Variants in MBP observed in about 807,000 individuals in gnomAD.
The protein encoded by MBP is Golli-MBP.
In MBP, 16 loss-of-function variants were observed where a neutral mutation model predicts 35.8. The observed-to-expected ratio is 0.45, with a 90% confidence interval of 0.30 to 0.68. The LOEUF is 0.68. MBP is among the 30% of genes least tolerant of loss of function. The pLI, the probability that MBP is intolerant of heterozygous loss-of-function variation, is 0.08. For missense variants in MBP, 380 were observed against 404.7 expected (o/e 0.94, Z 0.52); for synonymous variants, 143 against 159.6 (o/e 0.90, Z 0.78).
At position 77,055,369 on chromosome 18, in the gene MBP, C is replaced by T. The variant is rs533429696; in HGVS notation, c.139+10929G>A. On this transcript the variant is annotated intron_variant, in intron 3 of 8. Transcript: ENST00000355994. ...GGCACATAACTGTAAACTTCTAGAA[C>T]CCACATCCTCAAAGCCCAACCCCTG... Among the ~76,000 whole-genome samples the T allele has an allele frequency of 7.7e-4, 118 of 152,260 alleles. No individual in the cohort carries two copies. The Middle Eastern group carries it at 0.01, about 13-fold the overall frequency.
chr18:77,006,155 G>C (rs1344334251), intron 4 of MBP: 2 of 152,400 alleles, frequency 1.3e-5, no homozygotes, highest in Non-Finnish European at 2.9e-5. Context: ...TGGATTCAGA[G>C]GCAGGGCAGG....
intron 3 of MBP, among the ~76,000 whole-genome samples, chr18:77,040,744 T>C (rs1406849479): frequency 2.0e-5 from 3 of 152,246 alleles, no homozygotes; most frequent in South Asian, 2.1e-4. Flanking sequence ...AAAGCTGAAA[T>C]TGGATCCCTT....
intron 1 of MBP, among the ~76,000 whole-genome samples, chr18:77,122,507 G>A (rs970681358): frequency 6.6e-6 from 1 of 152,168 alleles, no homozygotes; most frequent in Non-Finnish European, 1.5e-5. Context: ...CGGCATAGAA[G>A]ACAGCAAAAC....
rs149678073 is a variant in MBP, at chr18:77,035,847, G to A, written c.140-18579C>T. 2.2e-3 allele frequency among the ~76,000 whole-genome samples: 329 copies of A among 152,320 alleles called. 1 individual carries two copies. Among genetic ancestry groups the A allele is most frequent in the African/African-American group, 7.4e-3 (306 of 41,560 alleles). ...CTCTCCTGCAAACATTACTGCTTAAGAATTCTTTCAAACTCAAGGGACTTT... is the reference window on the plus strand; with the variant it reads ...CTCTCCTGCAAACATTACTGCTTAAAAATTCTTTCAAACTCAAGGGACTTT... On this transcript the variant is annotated intron_variant, in intron 3 of 8. Transcript: ENST00000355994.
chr18:77,050,836 A>C (rs1047133228), intron 3 of MBP, among the ~76,000 whole-genome samples: 8 of 152,144 alleles, frequency 5.3e-5, no homozygotes, highest in Admixed American at 4.6e-4. Context: ...GTGAGCCACC[A>C]CACCCCACCC....
intron 1 of MBP, among the ~76,000 whole-genome samples, chr18:77,124,900 T>A (rs1977002226): frequency 6.6e-6 from 1 of 152,178 alleles, no homozygotes; most frequent in Admixed American, 6.5e-5. Flanking sequence ...TCTTTTCAGA[T>A]TTAGCTAGAT....
At chr18:77,041,822 A>C (rs1039830035) in intron 3 of MBP, among the ~76,000 whole-genome samples, 1 of 151,010 alleles carries the variant, frequency 6.6e-6, no homozygotes, top group African/African-American at 2.4e-5. Context: ...AGATATACCT[A>C]ATGTTAAACG....
At chr18:76,985,572 G>T in intron 7 of MBP, 1 of 1,099,502 alleles carries the variant, frequency 9.1e-7, no homozygotes, top group Non-Finnish European at 1.1e-6. Context: ...GGGAGCAACA[G>T]GAGGCCGGGG....
chr18:77,094,671 T>G (rs1568336970), intron 2 of MBP, among the ~76,000 whole-genome samples: 1 of 152,200 alleles, frequency 6.6e-6, no homozygotes. Flanking sequence ...AACTTTTGTA[T>G]GATTTTGGGA....
At chr18:77,055,999 G>C (rs1458730577) in intron 3 of MBP, among the ~76,000 whole-genome samples, 2 of 152,272 alleles carry the variant, frequency 1.3e-5, no homozygotes, top group African/African-American at 4.8e-5. Flanking sequence ...ACATCCCTGT[G>C]GCTCTGTGGT....
At chr18:77,061,428 G>A (rs1973973572) in intron 3 of MBP, among the ~76,000 whole-genome samples, 1 of 152,202 alleles carries the variant, frequency 6.6e-6, no homozygotes, top group Admixed American at 6.5e-5. Flanking sequence ...AGTCCCACAC[G>A]TGCACATGTG....
chr18:77,051,349 A>C (rs1381414249), intron 3 of MBP, among the ~76,000 whole-genome samples: 2 of 152,214 alleles, frequency 1.3e-5, no homozygotes, highest in East Asian at 3.8e-4. Flanking sequence ...CTAATGATAA[A>C]ATTAACCTAC....
intron 4 of MBP, among the ~76,000 whole-genome samples, chr18:77,011,493 A>C (rs111280858): frequency 5.3e-5 from 8 of 152,094 alleles, no homozygotes; most frequent in Admixed American, 2.0e-4. Flanking sequence ...AAGCCCCTCT[A>C]CTGACTCCCT....
chr18:77,128,623 A>C (rs1228204744), intron 1 of MBP, among the ~76,000 whole-genome samples: 1 of 152,180 alleles, frequency 6.6e-6, no homozygotes, highest in Non-Finnish European at 1.5e-5. Context: ...GGGTTGTATC[A>C]ATGCTCATTT....
chr18:76,990,442 A>T (rs1969831965), intron 4 of MBP, among the ~76,000 whole-genome samples: 1 of 152,164 alleles, frequency 6.6e-6, no homozygotes, highest in Non-Finnish European at 1.5e-5. Context: ...ATTCTTGCAG[A>T]AGGCAGGCCA....
chr18:77,041,396 A>G (rs1202926916), intron 3 of MBP, among the ~76,000 whole-genome samples: 1 of 152,188 alleles, frequency 6.6e-6, no homozygotes, highest in Non-Finnish European at 1.5e-5. Flanking sequence ...TAGAACTAGA[A>G]ATGCCATTTG....
At chr18:77,064,433 T>A (rs1035897639) in intron 3 of MBP, among the ~76,000 whole-genome samples, 1 of 152,216 alleles carries the variant, frequency 6.6e-6, no homozygotes, top group African/African-American at 2.4e-5. Context: ...TAATAAAGTA[T>A]GCAGAAATCA....
intron 3 of MBP, among the ~76,000 whole-genome samples, chr18:77,037,188 C>T (rs1264676879): frequency 6.2e-5 from 9 of 144,118 alleles, no homozygotes; most frequent in East Asian, 6.2e-4. Flanking sequence ...GTGCTGGTCA[C>T]GTTTTGGAGA....
At chr18:77,003,325 T>C (rs1359373992) in intron 4 of MBP, 1 of 152,214 alleles carries the variant, frequency 6.6e-6, no homozygotes, top group Non-Finnish European at 1.5e-5. Context: ...GGCGGGTTTT[T>C]GCACACATCC....
Sources: allele counts gnomAD v4.1 joint callset (sites outside exome capture counted in the v4.1 genomes callset), GRCh38; gene constraint gnomAD v4.1.1; transcripts MANE v1.5; gene names NCBI Gene and HGNC (gene_info 2026-07-23, HGNC 2026-07-21).